WNK2: variants seen among roughly 807,000 people sequenced by gnomAD.
WNK2 encodes the protein serine/threonine-protein kinase WNK2.
A neutral mutation model predicts 192.1 loss-of-function variants in WNK2; 67 were observed. The observed-to-expected ratio is 0.35, with a 90% CI of 0.29 to 0.43. WNK2 has a LOEUF of 0.43. WNK2 is among the 20% of genes least tolerant of loss of function. The pLI is 1.00. For missense variants in WNK2, 2,698 were observed against 3,089.7 expected, an observed-to-expected ratio of 0.87 and a Z score of 3.01; for synonymous variants, 1,439 against 1,393.9, an observed-to-expected ratio of 1.03 and a Z score of -0.72.
intron 2 of WNK2, among the ~76,000 whole-genome samples, chr9:93,197,601 A>C (rs1473948082): frequency 6.6e-6 from 1 of 151,982 alleles, no homozygotes; most frequent in Non-Finnish European, 1.5e-5. Flanking sequence ...ATCTTGGCTC[A>C]CTGGAACCCT....
At chr9:93,238,471 C>G in intron 6 of WNK2, 150 bp downstream of exon 6, 1 of 735,120 alleles carries the variant, frequency 1.4e-6, no homozygotes, top group Non-Finnish European at 2.3e-6. Context: ...GGCTGGTGAG[C>G]ATGTCGGCCC....
chr9:93,184,778 C>T, intron 1 of WNK2, 150 bp from the exon 2 acceptor site: 1 of 638,516 alleles, frequency 1.6e-6, no homozygotes, highest in Non-Finnish European at 2.2e-6. Flanking sequence ...GCCCCCCTTT[C>T]CCAGGGCCCC....
chr9:93,225,170 C>A (rs1837602759), intron 2 of WNK2, among the ~76,000 whole-genome samples: 1 of 152,158 alleles, frequency 6.6e-6, no homozygotes, highest in South Asian at 2.1e-4. Context: ...GAGGCCAAGG[C>A]AGGAGGATCT....
In WNK2 at chr9:93,320,540, G is replaced by T; in HGVS notation, c.*148G>T. ...TCACAATTGGAAACACAAATGTAAT[G>T]CAAGAATAAAAAATATTTTGGGGCA... On this transcript the variant is annotated 3_prime_UTR_variant, in exon 30 of 30. Coordinates refer to ENST00000427277, the MANE Select transcript of WNK2 (RefSeq NM_006648.4). The T allele has an allele frequency of 1.1e-6, 1 of 872,352 alleles. No individual in the cohort carries two copies. Among genetic ancestry groups the T allele is most frequent in the Non-Finnish European group, 1.6e-6 (1 of 619,494 alleles). The allele number at this position is 872,352 out of a possible 1,614,324, so 54.0% of individuals were successfully genotyped here. A position where few individuals can be genotyped will look rare whatever the true frequency, so the allele number is the denominator to read the frequency against.
At chr9:93,198,442 G>A (rs1012793184) in intron 2 of WNK2, among the ~76,000 whole-genome samples, 1 of 152,328 alleles carries the variant, frequency 6.6e-6, no homozygotes, top group East Asian at 1.9e-4. Flanking sequence ...CTCACAGGGA[G>A]CCCTGCTTAC....
At position 93,249,907 on chromosome 9, in the gene WNK2, AT is replaced by A. The variant is rs58293954; in HGVS notation, c.1834+2099del. 6.0e-3 allele frequency among the ~76,000 whole-genome samples: 512 copies of A among 85,420 alleles called. 1 individual carries two copies. The highest frequency in any genetic ancestry group is 0.026 in the Middle Eastern group (2 of 78). 56.0% of individuals were successfully genotyped at this position (85,420 alleles called of 152,430 possible). On this transcript the variant is annotated intron_variant, in intron 8 of 29. Coordinates refer to ENST00000427277, the MANE Select transcript of WNK2 (RefSeq NM_006648.4). ...TCCCTAGAGGCAACAGATGCTACCA[AT>A]TTTTTTTTTTTTTTTTTTTTTTTTT...
intron 28 of WNK2, chr9:93,315,504 G>A (rs1854477285): frequency 6.6e-6 from 1 of 152,178 alleles, no homozygotes; most frequent in East Asian, 1.9e-4. Context: ...TGGGGACATG[G>A]ACCCTGTAAA....
intron 27 of WNK2, 112 bp from the exon 28 acceptor site, chr9:93,308,216 C>A: frequency 6.8e-7 from 1 of 1,468,788 alleles, no homozygotes. Context: ...TGCTGCCTGG[C>A]CCAAGTGAGA....
At chr9:93,202,700 T>C (rs1470176220) in intron 2 of WNK2, among the ~76,000 whole-genome samples, 1 of 151,894 alleles carries the variant, frequency 6.6e-6, no homozygotes, top group Non-Finnish European at 1.5e-5. Context: ...GGAAAGGCCT[T>C]AGTCTCCAGC....
At chr9:93,186,037 GCAGT>G (rs1587708335) in intron 2 of WNK2, among the ~76,000 whole-genome samples, 1 of 152,204 alleles carries the variant, frequency 6.6e-6, no homozygotes, top group Non-Finnish European at 1.5e-5. Flanking sequence ...CCCGGTGTGT[GCAGT>G]CAGAGTGTTT....
intron 19 of WNK2, 22 bp downstream of exon 19, chr9:93,268,768 A>C (rs1415099487): frequency 6.2e-7 from 1 of 1,603,290 alleles, no homozygotes; most frequent in East Asian, 2.3e-5. Flanking sequence ...AGGCGCCCAC[A>C]CAAGCCCCTC....
chr9:93,209,713 G>A (rs1187298264), intron 2 of WNK2, among the ~76,000 whole-genome samples: 1 of 152,242 alleles, frequency 6.6e-6, no homozygotes, highest in East Asian at 1.9e-4. Flanking sequence ...CCTGCTGGTG[G>A]CACTGGCTGT....
intron 2 of WNK2, among the ~76,000 whole-genome samples, chr9:93,199,180 G>C (rs962997176): frequency 6.6e-6 from 1 of 152,178 alleles, no homozygotes; most frequent in East Asian, 1.9e-4. Flanking sequence ...GGTCACACAG[G>C]CCTCCCAGAA....
chr9:93,282,475 A>C (rs916749236), intron 19 of WNK2, among the ~76,000 whole-genome samples: 17 of 151,870 alleles, frequency 1.1e-4, no homozygotes, highest in Admixed American at 7.9e-4. Flanking sequence ...AAAAAAAAAA[A>C]CAGAACAAAG....
rs746330883 is a variant in WNK2 at position 93,259,407 on chromosome 9, A to T, written c.2859A>T (p.Gln953His). 1 of 1,243,230 alleles carries T rather than the reference A, an allele frequency of 8.0e-7. No homozygotes were observed. The allele number at this position is 1,243,230 out of a possible 1,614,324, so 77.0% of individuals were successfully genotyped here. ...CTCCACAACCCACACTGCCCCCACA[A>T]CCCGTGCTGCCCCCGCAACCCACGC... ...ALPPQPTLPP[Q>H]PVLPPQPTLP... The change falls in exon 12 of 30, where the codon CAA becomes CAT. Residue 953 changes from glutamine to histidine, a missense_variant. Gln to His is a conservative substitution (Grantham distance 24). This residue lies in a region of WNK2 where 893 missense variants were observed against 909.0 expected (regional missense o/e 0.98). Transcript: ENST00000427277. The surrounding 1 kb of genome is among the most constrained non-coding windows in gnomAD (Gnocchi z 4.8).
chr9:93,260,580 G>C (rs774890251), intron 12 of WNK2, among the ~76,000 whole-genome samples: 1 of 152,162 alleles, frequency 6.6e-6, no homozygotes, highest in Non-Finnish European at 1.5e-5. Flanking sequence ...CCCCAGCTCC[G>C]TTAGTGCTGA....
At chr9:93,297,579 G>A (rs1385833891) in intron 23 of WNK2, among the ~76,000 whole-genome samples, 1 of 152,248 alleles carries the variant, frequency 6.6e-6, no homozygotes, top group Non-Finnish European at 1.5e-5. Flanking sequence ...CCGAGTCTGG[G>A]TATTTGGAAG....
In WNK2 at chr9:93,247,405, G is replaced by T; in HGVS notation, c.1543-138G>T. The T allele has an allele frequency of 9.3e-7, 1 of 1,073,838 alleles. No homozygotes were observed. The allele number at this position is 1,073,838 out of a possible 1,614,324, so 66.5% of individuals were successfully genotyped here. ...ATGCCATCTCTGAGCTGTCCCCGCG[G>T]ATTTTACATTCAGTGGCAGTGGGAT... On this transcript the variant is annotated intron_variant, in intron 7 of 29. Coordinates refer to ENST00000427277, the MANE Select transcript of WNK2 (RefSeq NM_006648.4). This position sits in a 1 kb window ranked among gnomAD's most constrained non-coding sequence, Gnocchi z 5.2.
chr9:93,185,696 C>T, intron 2 of WNK2, 86 bp downstream of exon 2: 3 of 1,474,406 alleles, frequency 2.0e-6, no homozygotes, highest in Non-Finnish European at 2.7e-6. Context: ...CTGCGCCTGG[C>T]CTTAAGAAGC....
Sources: gnomAD v4.1 joint callset for allele counts (sites outside exome capture counted in the v4.1 genomes callset) on GRCh38, gnomAD v4.1.1 for gene constraint, gnomAD v4.1.1 regional missense constraint, Gnocchi (gnomAD v3.1) non-coding constraint, MANE v1.5 for transcripts, NCBI Gene and HGNC (gene_info 2026-07-23, HGNC 2026-07-21) for gene names.